Variants in PLPPR5 observed in about 807,000 individuals in gnomAD.
The protein encoded by PLPPR5 is phospholipid phosphatase-related protein type 5.
Under a neutral mutation model 33.9 loss-of-function variants are expected in PLPPR5, and 16 were observed. The ratio of observed to expected loss-of-function variants is 0.47; its 90% CI spans 0.32 to 0.72. The LOEUF (loss-of-function observed/expected upper bound fraction) is 0.72. PLPPR5 is among the 30% of genes least tolerant of loss of function. PLPPR5 has a pLI of 0.03. For synonymous variants in PLPPR5, 163 were observed against 150.3 expected, an observed-to-expected ratio of 1.08 and a Z score of -0.62; for missense variants, 301 against 406.7, an observed-to-expected ratio of 0.74 and a Z score of 2.23.
At position 98,909,691 on chromosome 1, in the gene PLPPR5, A is replaced by G. The variant is rs188817619; in HGVS notation, c.933+5095T>C. Among the ~76,000 whole-genome samples, 3 of 152,296 alleles carry G rather than the reference A, an allele frequency of 2.0e-5. 1 individual carries two copies. Among genetic ancestry groups the G allele is most frequent in the Admixed American group, 2.0e-4 (3 of 15,300 alleles). On this transcript the variant is annotated intron_variant, in intron 5 of 5. Transcript: ENST00000263177. The stretch of plus-strand genomic sequence containing the variant: ...TCAAAATTATCCAAAATTCTCAGCT[A>G]GTTTGCATCCAGAACCTACGAGCAG...
intron 1 of PLPPR5, among the ~76,000 whole-genome samples, chr1:98,980,115 C>A (rs905004168): frequency 5.3e-5 from 8 of 152,036 alleles, no homozygotes; most frequent in African/African-American, 1.9e-4. Context: ...GACCCTTTTT[C>A]TCCTGAAAGA....
At chr1:98,901,341 C>T (rs187537429) in intron 5 of PLPPR5, among the ~76,000 whole-genome samples, 113 of 152,164 alleles carry the variant, frequency 7.4e-4, no homozygotes, top group African/African-American at 2.7e-3. Flanking sequence ...ATTTGGGACT[C>T]ACAGAAACAT....
intron 3 of PLPPR5, among the ~76,000 whole-genome samples, chr1:98,922,732 T>TC (rs1649613343): frequency 6.6e-6 from 1 of 152,158 alleles, no homozygotes; most frequent in African/African-American, 2.4e-5. Flanking sequence ...ACTCCTGTAA[T>TC]CCCAGCACTT....
At chr1:99,001,284 G>A (rs921098848) in intron 1 of PLPPR5, among the ~76,000 whole-genome samples, 3 of 151,764 alleles carry the variant, frequency 2.0e-5, no homozygotes, top group Admixed American at 6.6e-5. Flanking sequence ...ACAGGCGCCC[G>A]CCACCATGCT....
intron 3 of PLPPR5, among the ~76,000 whole-genome samples, chr1:98,949,782 A>G (rs1650707034): frequency 6.6e-6 from 1 of 152,174 alleles, no homozygotes; most frequent in South Asian, 2.1e-4. Flanking sequence ...TTATATTCAG[A>G]GTTGCCATAG....
chr1:98,899,658 G>GTT (rs397967481), intron 5 of PLPPR5, among the ~76,000 whole-genome samples: 3,421 of 103,286 alleles, frequency 0.033, 74 homozygotes, highest in South Asian at 0.054. Flanking sequence ...TATTTCACTT[G>GTT]TTTTTTTTTT....
intron 1 of PLPPR5, among the ~76,000 whole-genome samples, chr1:98,986,927 A>T (rs1399512812): frequency 6.6e-6 from 1 of 151,762 alleles, no homozygotes; most frequent in Admixed American, 6.6e-5. Context: ...ATGATTCCCT[A>T]TGCTTCAAAT....
intron 1 of PLPPR5, among the ~76,000 whole-genome samples, chr1:98,979,852 T>C (rs184848223): frequency 6.6e-6 from 1 of 152,162 alleles, no homozygotes; most frequent in East Asian, 1.9e-4. Flanking sequence ...CATCTTTGCT[T>C]CTTCCAGACT....
intron 1 of PLPPR5, among the ~76,000 whole-genome samples, chr1:98,999,967 C>G (rs1652766345): frequency 6.6e-6 from 1 of 152,174 alleles, no homozygotes; most frequent in South Asian, 2.1e-4. Context: ...AGATGGTGAT[C>G]TAGCTTCATT....
At chr1:98,916,426 C>T (rs1649353760) in intron 4 of PLPPR5, among the ~76,000 whole-genome samples, 1 of 152,126 alleles carries the variant, frequency 6.6e-6, no homozygotes, top group African/African-American at 2.4e-5. Context: ...GCTTCATGAC[C>T]CCACAAAGGT....
chr1:98,906,004 A>C (rs1275002821), intron 5 of PLPPR5, among the ~76,000 whole-genome samples: 1 of 152,128 alleles, frequency 6.6e-6, no homozygotes, highest in African/African-American at 2.4e-5. Flanking sequence ...CACAAGTCTG[A>C]GACCAGCATG....
chr1:98,920,244 C>A (rs1034796587), intron 4 of PLPPR5, among the ~76,000 whole-genome samples: 1 of 151,968 alleles, frequency 6.6e-6, no homozygotes, highest in Non-Finnish European at 1.5e-5. Flanking sequence ...GTGGCAATAG[C>A]GACAGATAAA....
At chr1:98,901,261 C>A (rs1413150824) in intron 5 of PLPPR5, among the ~76,000 whole-genome samples, 1 of 152,072 alleles carries the variant, frequency 6.6e-6, no homozygotes, top group Non-Finnish European at 1.5e-5. Context: ...CGCGAGGAAC[C>A]AAGACAAATC....
intron 1 of PLPPR5, among the ~76,000 whole-genome samples, chr1:98,997,798 T>C (rs1209914817): frequency 6.6e-6 from 1 of 152,246 alleles, no homozygotes; most frequent in Non-Finnish European, 1.5e-5. Flanking sequence ...TTTCCTTATA[T>C]GTATGAAGTG....
chr1:98,983,889 T>C (rs1000065571), intron 1 of PLPPR5, among the ~76,000 whole-genome samples: 1 of 152,098 alleles, frequency 6.6e-6, no homozygotes, highest in African/African-American at 2.4e-5. Flanking sequence ...ATAAATGTCT[T>C]CTTTTGAGAA....
At chr1:98,918,299 G>C (rs1393119245) in intron 4 of PLPPR5, among the ~76,000 whole-genome samples, 1 of 152,036 alleles carries the variant, frequency 6.6e-6, no homozygotes, top group East Asian at 1.9e-4. Context: ...GCAAAATGAA[G>C]ACAATAAAAA....
intron 5 of PLPPR5, among the ~76,000 whole-genome samples, chr1:98,904,488 A>G (rs1044069315): frequency 6.6e-6 from 1 of 152,138 alleles, no homozygotes; most frequent in Admixed American, 6.6e-5. Context: ...CCCATTTTCT[A>G]TCAAATCCTA....
chr1:98,960,960 C>T (rs909208702), intron 1 of PLPPR5, among the ~76,000 whole-genome samples: 1 of 152,160 alleles, frequency 6.6e-6, no homozygotes, highest in African/African-American at 2.4e-5. Context: ...CTCCAATTTG[C>T]AATTTTGGTT....
At chr1:98,942,432 C>A (rs556155035) in intron 3 of PLPPR5, among the ~76,000 whole-genome samples, 143 of 152,262 alleles carry the variant, frequency 9.4e-4, no homozygotes, top group African/African-American at 3.4e-3. Flanking sequence ...TACTATATCA[C>A]GCTATTAATC....
Sources: allele counts gnomAD v4.1 joint callset (sites outside exome capture counted in the v4.1 genomes callset), GRCh38; gene constraint gnomAD v4.1.1; transcripts MANE v1.5; gene names NCBI Gene and HGNC (gene_info 2026-07-23, HGNC 2026-07-21).